Variants in AP2A2 observed in about 807,000 individuals in gnomAD.
The protein encoded by AP2A2 is adaptor related protein complex 2 subunit alpha 2.
Under a neutral mutation model 104.2 loss-of-function variants are expected in AP2A2, and 32 were observed. That is an observed-to-expected ratio of 0.31 (90% confidence interval 0.23 to 0.41). AP2A2 has a LOEUF of 0.41. Ranked by LOEUF, AP2A2 falls within the 10% of genes least tolerant of loss-of-function variation. The pLI is 1.00. For synonymous variants in AP2A2, 539 were observed against 533.3 expected (o/e 1.01, Z -0.15); for missense variants, 912 against 1,261.0 (o/e 0.72, Z 4.19).
chr11:1,008,074 G>A lies in AP2A2; in HGVS notation c.2359G>A (p.Val787Met). The A allele has an allele frequency of 6.3e-7, 1 of 1,599,760 alleles. No individual in the cohort carries two copies. The change falls in exon 18 of 22, where the codon GTG becomes ATG. Residue 787 changes from valine (V) to methionine (M), a missense_variant. Physicochemically the swap from Val to Met is conservative, Grantham distance 21. Around this residue, in one of 7 missense-constraint regions of AP2A2, gnomAD observed 239 missense variants for 329.8 expected, o/e 0.72. Coordinates refer to ENST00000448903, the MANE Select transcript of AP2A2 (RefSeq NM_012305.4). Reference sequence around the variant, plus strand: ...GGAGGGGGGCGCGCAGGTGCAGCAGGTGGTCAACATAGAGTGCGTGTCCGA... The same window carrying A: ...GGAGGGGGGCGCGCAGGTGCAGCAGATGGTCAACATAGAGTGCGTGTCCGA... Reference protein sequence around the residue: ...TVEGGAQVQQVVNIECVSDFT... With the variant: ...TVEGGAQVQQMVNIECVSDFT...
At position 1,006,048 on chromosome 11, in the gene AP2A2, G is replaced by A. The variant is rs111661547; in HGVS notation, c.2207-480G>A. Among the ~76,000 whole-genome samples, 1,190 of 152,360 alleles carry A rather than the reference G, an allele frequency of 7.8e-3. 12 individuals carry two copies. The highest frequency in any genetic ancestry group is 0.028 in the African/African-American group (1,148 of 41,590). On this transcript the variant is annotated intron_variant, in intron 16 of 21. Transcript: ENST00000448903. ...GTGCAACACCGATGCTGTGCTGGAC[G>A]CGTGCCCAGCCGGGTCCCCTGACAG...
At position 992,422 on chromosome 11, in the gene AP2A2, C is replaced by G. The variant is rs1163121612; in HGVS notation, c.1270-81C>G. 7.0e-7 allele frequency: 1 copy of G among 1,421,460 alleles called. No homozygotes were observed. Among genetic ancestry groups the G allele is most frequent in the South Asian group, 1.2e-5 (1 of 81,468 alleles). The allele number at this position is 1,421,460 out of a possible 1,614,324, so 88.1% of individuals were successfully genotyped here. A position where few individuals can be genotyped will look rare whatever the true frequency, so the allele number is the denominator to read the frequency against. On this transcript the variant is annotated intron_variant, in intron 10 of 21. Transcript: ENST00000448903. This position sits in a 1 kb window ranked among gnomAD's most constrained non-coding sequence, Gnocchi z 6.4. ...CACATTGAGGTGCTTCTGAAACTCT[C>G]ACTTTGACTTTGGACGACAGTTTGG...
chr11:951,866 G>A (rs912697659), intron 1 of AP2A2, among the ~76,000 whole-genome samples: 5 of 152,066 alleles, frequency 3.3e-5, no homozygotes, highest in Admixed American at 1.3e-4. Context: ...GTTACTCGGC[G>A]GAATCACTTT....
intron 14 of AP2A2, among the ~76,000 whole-genome samples, chr11:998,305 A>G (rs1011784059): frequency 1.7e-5 from 2 of 119,814 alleles, no homozygotes; most frequent in Admixed American, 7.7e-5. Context: ...CTGCCCCCCA[A>G]TCCCCATTCT....
At chr11:1,001,193 T>G (rs1856019839) in intron 15 of AP2A2, 1 of 154,526 alleles carries the variant, frequency 6.5e-6, no homozygotes, top group African/African-American at 2.4e-5. Flanking sequence ...GCTCCCTGTG[T>G]GCAGTGGTCT....
chr11:980,553 G>A (rs897544772), intron 5 of AP2A2, among the ~76,000 whole-genome samples: 10 of 151,002 alleles, frequency 6.6e-5, no homozygotes, highest in Admixed American at 2.0e-4. Context: ...GTCCTGGAGC[G>A]GTGACAGGCT....
rs1176658344 is a variant in AP2A2, at chr11:972,076, C to T, written c.294C>T (p.Ile98=). 1 of 1,613,126 alleles carries T rather than the reference C, an allele frequency of 6.2e-7. No individual in the cohort carries two copies. The highest frequency in any genetic ancestry group is 2.2e-5 in the East Asian group (1 of 44,882). Reference sequence around the variant, plus strand: ...TTGGAACGCAGGGCTACCTTTTCATCTCTGTGTTGGTGAACTCAAACAGTG... The same window carrying T: ...TTGGAACGCAGGGCTACCTTTTCATTTCTGTGTTGGTGAACTCAAACAGTG... ...YTEKQIGYLF[I]SVLVNSNSEL... The change falls in exon 4 of 22, where the codon ATC becomes ATT. Residue 98 remains isoleucine (I), a synonymous_variant. Transcript: ENST00000448903.
rs908722785 is a variant in AP2A2, at chr11:1,011,860, C to A, written c.*1235C>A. 18 of 249,430 alleles carry A rather than the reference C, an allele frequency of 7.2e-5. No individual in the cohort carries two copies. Among genetic ancestry groups the A allele is most frequent in the Non-Finnish European group, 3.2e-5 (4 of 125,286 alleles). 15.5% of individuals were successfully genotyped at this position (249,430 alleles called of 1,614,324 possible). On this transcript the variant is annotated 3_prime_UTR_variant, in exon 22 of 22. Coordinates refer to ENST00000448903, the MANE Select transcript of AP2A2 (RefSeq NM_012305.4). ...CATCAGGGTCTCCACAGCTCCCCTG[C>A]AGTGTGTGCACCCCACAATGTCTGC...
In AP2A2 at chr11:1,009,538, C is replaced by T. The variant is rs918138283; in HGVS notation, c.2607+141C>T. 5.3e-6 allele frequency: 7 copies of T among 1,318,130 alleles called. No homozygotes were observed. In the African/African-American group the frequency reaches 6.1e-5, roughly 11 times the overall value. 81.7% of individuals were successfully genotyped at this position (1,318,130 alleles called of 1,614,324 possible). A position where few individuals can be genotyped will look rare whatever the true frequency, so the allele number is the denominator to read the frequency against. Reference sequence around the variant, plus strand: ...GGACGGCCCCGGGGGACACGCAGCCCGCGACCCAGCGCCAGGGTCTGGAGG... The same window carrying T: ...GGACGGCCCCGGGGGACACGCAGCCTGCGACCCAGCGCCAGGGTCTGGAGG... On this transcript the variant is annotated intron_variant, in intron 20 of 21. Transcript: ENST00000448903.
intron 1 of AP2A2, among the ~76,000 whole-genome samples, chr11:954,111 T>C (rs7395488): frequency 0.51 from 77,246 of 151,962 alleles, 20,240 homozygotes; most frequent in Middle Eastern, 0.66. Flanking sequence ...CAGACGTGAG[T>C]CACTGTGCCT....
intron 2 of AP2A2, among the ~76,000 whole-genome samples, chr11:967,585 C>T (rs1854663653): frequency 6.6e-6 from 1 of 152,092 alleles, no homozygotes; most frequent in Non-Finnish European, 1.5e-5. Flanking sequence ...TGGTCTCTAT[C>T]TCCTGACCTC....
rs1485334585 is a variant in AP2A2, at chr11:968,680, T to C, written c.137-1489T>C. On this transcript the variant is annotated intron_variant, in intron 2 of 21. Coordinates refer to ENST00000448903, the MANE Select transcript of AP2A2 (RefSeq NM_012305.4). This position sits in a 1 kb window ranked among gnomAD's most constrained non-coding sequence, Gnocchi z 4.2. ...CTGGGGCTTCCCAGTGGAGGATCTC[T>C]GCTGCGCAGCCCGTGCTCAGCTGTG... is the stretch of plus-strand genomic sequence containing the variant. Among the ~76,000 whole-genome samples the C allele has an allele frequency of 6.6e-6, 1 of 151,874 alleles. No homozygotes were observed. The highest frequency in any genetic ancestry group is 1.5e-5 in the Non-Finnish European group (1 of 67,998).
At chr11:931,568 C>T (rs561360640) in intron 1 of AP2A2, among the ~76,000 whole-genome samples, 56 of 152,272 alleles carry the variant, frequency 3.7e-4, no homozygotes, top group African/African-American at 1.3e-3. Flanking sequence ...TTTTATTTCT[C>T]TACATGTGGT....
Position 972,144 on chromosome 11 carries a change from C to G in AP2A2, c.362C>G (p.Ala121Gly). 1 of 1,613,464 alleles carries G rather than the reference C, an allele frequency of 6.2e-7. No homozygotes were observed. Among genetic ancestry groups the G allele is most frequent in the South Asian group, 1.1e-5 (1 of 91,020 alleles). The change falls in exon 4 of 22, where the codon GCC (alanine) becomes GGC (glycine). Residue 121 changes from alanine (A) to glycine (G), a missense_variant. Around this residue, in one of 7 missense-constraint regions of AP2A2, gnomAD observed 350 missense variants for 487.0 expected, o/e 0.72. Coordinates refer to ENST00000448903, the MANE Select transcript of AP2A2 (RefSeq NM_012305.4). ...LINNAIKNDL[A>G]SRNPTFMGLA... ...AACAACGCCATCAAGAATGACCTGG[C>G]CAGCCGCAACCCCACCTTCATGGGC...
intron 1 of AP2A2, 37 bp downstream of exon 1, chr11:926,125 C>A: frequency 8.1e-7 from 1 of 1,233,228 alleles, no homozygotes; most frequent in Non-Finnish European, 1.0e-6. Flanking sequence ...GGGGCCGGGG[C>A]CGCCGGCGGA....
chr11:951,647 C>T (rs1400618113), intron 1 of AP2A2, among the ~76,000 whole-genome samples: 2 of 152,194 alleles, frequency 1.3e-5, no homozygotes, highest in East Asian at 1.9e-4. Flanking sequence ...ATTGATGGCA[C>T]ACCCATTTGA....
At chr11:985,321 A>G (rs1006847530) in intron 7 of AP2A2, 114 bp from the exon 8 acceptor site, 36 of 1,354,008 alleles carry the variant, frequency 2.7e-5, no homozygotes, top group Non-Finnish European at 3.3e-5. Context: ...GGGTACACAA[A>G]TGTGAATGAA....
Position 992,023 on chromosome 11 carries a change from A to T in AP2A2, c.1270-480A>T, listed in dbSNP as rs563590143. On this transcript the variant is annotated intron_variant, in intron 10 of 21. Transcript: ENST00000448903. This position sits in a 1 kb window ranked among gnomAD's most constrained non-coding sequence, Gnocchi z 6.4. ...TGAGCCAGAGAGGGGAAGAAGGGGAACCCCCAGGTGAGGCTCGCAGGAAAG... is the reference window on the plus strand; with the variant it reads ...TGAGCCAGAGAGGGGAAGAAGGGGATCCCCCAGGTGAGGCTCGCAGGAAAG... Among the ~76,000 whole-genome samples, 1 of 151,202 alleles carries T rather than the reference A, an allele frequency of 6.6e-6. No homozygotes were observed. The highest frequency in any genetic ancestry group is 1.5e-5 in the Non-Finnish European group (1 of 67,820).
chr11:999,177 T>G (rs1033028742), intron 14 of AP2A2, among the ~76,000 whole-genome samples: 3 of 152,052 alleles, frequency 2.0e-5, no homozygotes, highest in Admixed American at 2.0e-4. Flanking sequence ...TGCCCTGTTG[T>G]GAGAGTTTAA....
Sources: gnomAD v4.1 joint callset for allele counts (sites outside exome capture counted in the v4.1 genomes callset) on GRCh38, gnomAD v4.1.1 for gene constraint, gnomAD v4.1.1 regional missense constraint, Gnocchi (gnomAD v3.1) non-coding constraint, MANE v1.5 for transcripts, NCBI Gene and HGNC (gene_info 2026-07-23, HGNC 2026-07-21) for gene names.